Variants in SNX29 observed in about 807,000 individuals in gnomAD.
SNX29 encodes the protein sorting nexin 29, also known as sorting nexin-29.
In SNX29, 78 loss-of-function variants were observed where a neutral mutation model predicts 102.1. That is an observed-to-expected ratio of 0.76 (90% CI 0.64 to 0.92). The LOEUF (loss-of-function observed/expected upper bound fraction) is 0.92, where lower values mean the gene tolerates loss of function less well. SNX29 is among the 40% of genes least tolerant of loss of function. SNX29 has a pLI of 0.00. For missense variants in SNX29, 1,280 were observed against 1,061.7 expected (o/e 1.21, Z -2.86); for synonymous variants, 580 against 414.5 (o/e 1.40, Z -4.85).
intron 11 of SNX29, among the ~76,000 whole-genome samples, chr16:12,111,609 A>G (rs1315121358): frequency 6.6e-6 from 1 of 152,232 alleles, no homozygotes; most frequent in Admixed American, 6.5e-5. Context: ...GATGGCAGGC[A>G]GCAAGGAGAA....
intron 20 of SNX29, among the ~76,000 whole-genome samples, chr16:12,555,272 C>G (rs1049686438): frequency 2.0e-5 from 3 of 151,258 alleles, no homozygotes; most frequent in African/African-American, 7.3e-5. Context: ...CAGGGTATGA[C>G]CTCCCAGAGA....
intron 9 of SNX29, among the ~76,000 whole-genome samples, chr16:12,063,952 A>G (rs1382057785): frequency 1.3e-5 from 2 of 151,486 alleles, no homozygotes; most frequent in Non-Finnish European, 2.9e-5. Context: ...CAGGCAGGTC[A>G]TCTGAGGAGG....
intron 1 of SNX29, chr16:11,977,445 C>T (rs1003800427): frequency 6.5e-6 from 1 of 153,032 alleles, no homozygotes; most frequent in Non-Finnish European, 1.5e-5. Flanking sequence ...CTCGGCTTCC[C>T]TCTCCGGTCC....
intron 10 of SNX29, among the ~76,000 whole-genome samples, chr16:12,074,838 A>G (rs2051473346): frequency 6.6e-6 from 1 of 152,170 alleles, no homozygotes; most frequent in Admixed American, 6.5e-5. Flanking sequence ...ATATAGTCCC[A>G]TATTTCTTGG....
intron 15 of SNX29, among the ~76,000 whole-genome samples, chr16:12,303,961 G>C (rs576928750): frequency 6.6e-6 from 1 of 152,286 alleles, no homozygotes; most frequent in South Asian, 2.1e-4. Context: ...TTTGAGGTTT[G>C]GATGTCTGGC....
intron 14 of SNX29, among the ~76,000 whole-genome samples, chr16:12,210,543 G>A (rs1337188274): frequency 6.6e-6 from 1 of 151,836 alleles, no homozygotes; most frequent in African/African-American, 2.4e-5. Flanking sequence ...GGAAGGTAGA[G>A]CCAAGAGACA....
At chr16:12,290,294 C>T (rs780661516) in intron 15 of SNX29, among the ~76,000 whole-genome samples, 1 of 152,206 alleles carries the variant, frequency 6.6e-6, no homozygotes, top group Non-Finnish European at 1.5e-5. Context: ...CACTGCAGAC[C>T]TTCACACAGG....
At chr16:12,441,320 C>G (rs558124216) in intron 18 of SNX29, among the ~76,000 whole-genome samples, 1 of 151,970 alleles carries the variant, frequency 6.6e-6, no homozygotes, top group East Asian at 1.9e-4. Flanking sequence ...AATCTCCTGA[C>G]CTTGTGATCC....
Position 12,569,602 on chromosome 16 carries a change from C to T in SNX29, c.*973C>T, listed in dbSNP as rs1022866854. Reference sequence around the variant, plus strand: ...CATTTTCCATCCCGTCTGCCCCCGACATTGTCCTTGATAACAGAACTCTGC... The same window carrying T: ...CATTTTCCATCCCGTCTGCCCCCGATATTGTCCTTGATAACAGAACTCTGC... On this transcript the variant is annotated 3_prime_UTR_variant, in exon 21 of 21. Transcript: ENST00000566228. The T allele has an allele frequency of 8.8e-6, 2 of 228,500 alleles. No individual in the cohort carries two copies. The highest frequency in any genetic ancestry group is 1.7e-5 in the Non-Finnish European group (2 of 116,036). 14.2% of individuals were successfully genotyped at this position (228,500 alleles called of 1,614,324 possible).
At chr16:12,498,587 T>A (rs1208508447) in intron 19 of SNX29, among the ~76,000 whole-genome samples, 1 of 152,106 alleles carries the variant, frequency 6.6e-6, no homozygotes, top group African/African-American at 2.4e-5. Context: ...CAGTGGGAAA[T>A]TAAACAGTTA....
intron 15 of SNX29, among the ~76,000 whole-genome samples, chr16:12,302,252 G>A (rs1318840186): frequency 6.6e-6 from 1 of 152,192 alleles, no homozygotes; most frequent in Non-Finnish European, 1.5e-5. Flanking sequence ...GCCACGTTCC[G>A]TCAAACTTTA....
At chr16:12,204,629 C>T (rs2077000465) in intron 14 of SNX29, among the ~76,000 whole-genome samples, 1 of 152,240 alleles carries the variant, frequency 6.6e-6, no homozygotes, top group African/African-American at 2.4e-5. Context: ...AAATAATCAG[C>T]AGCAAGGGCA....
At chr16:12,563,035 A>G (rs894945161) in intron 20 of SNX29, among the ~76,000 whole-genome samples, 5 of 152,196 alleles carry the variant, frequency 3.3e-5, no homozygotes, top group African/African-American at 1.2e-4. Flanking sequence ...CATCATTGCA[A>G]GGGCCAAGGT....
At chr16:12,400,948 G>A (rs1157006884) in intron 17 of SNX29, among the ~76,000 whole-genome samples, 18 of 152,164 alleles carry the variant, frequency 1.2e-4, no homozygotes, top group East Asian at 3.9e-4. Context: ...TCAGCCTCCC[G>A]AGTAGCTGGG....
chr16:12,401,996 A>G (rs955719339), intron 17 of SNX29, among the ~76,000 whole-genome samples: 1 of 152,190 alleles, frequency 6.6e-6, no homozygotes, highest in Non-Finnish European at 1.5e-5. Flanking sequence ...GTTAATAAAA[A>G]CCAGAGTGCT....
intron 19 of SNX29, among the ~76,000 whole-genome samples, chr16:12,503,482 C>A (rs1303562102): frequency 6.6e-6 from 1 of 152,108 alleles, no homozygotes; most frequent in Non-Finnish European, 1.5e-5. Context: ...GAAGGAGGGT[C>A]TGTGACCAGA....
intron 15 of SNX29, among the ~76,000 whole-genome samples, chr16:12,330,701 C>T (rs552111900): frequency 5.3e-5 from 8 of 152,296 alleles, no homozygotes; most frequent in African/African-American, 7.2e-5. Flanking sequence ...GTCCTGGCGG[C>T]GCTTGTGGCA....
intron 9 of SNX29, among the ~76,000 whole-genome samples, chr16:12,063,693 T>G (rs2050890345): frequency 6.6e-6 from 1 of 151,914 alleles, no homozygotes; most frequent in South Asian, 2.1e-4. Flanking sequence ...CTAGTCCGTC[T>G]TTGCTCCCTG....
At chr16:12,351,722 C>G (rs778655324) in intron 15 of SNX29, among the ~76,000 whole-genome samples, 2 of 152,076 alleles carry the variant, frequency 1.3e-5, no homozygotes, top group Non-Finnish European at 2.9e-5. Context: ...AGGAATTACT[C>G]CATCTCCTAA....
Sources: gnomAD v4.1 joint callset for allele counts (sites outside exome capture counted in the v4.1 genomes callset) on GRCh38, gnomAD v4.1.1 for gene constraint, MANE v1.5 for transcripts, NCBI Gene and HGNC (gene_info 2026-07-23, HGNC 2026-07-21) for gene names.